MIS18A: variants seen among roughly 807,000 people sequenced by gnomAD.
MIS18A encodes protein Mis18-alpha.
MIS18A carries 14 observed loss-of-function variants against 25.0 expected under a neutral mutation model. That is an observed-to-expected ratio of 0.56 (90% CI 0.37 to 0.88). The LOEUF (loss-of-function observed/expected upper bound fraction) is 0.88. Ranked by LOEUF, MIS18A falls within the 40% of genes least tolerant of loss-of-function variation. The pLI is 0.00. For synonymous variants in MIS18A, 134 were observed against 118.6 expected, an observed-to-expected ratio of 1.13 and a Z score of -0.84; for missense variants, 292 against 290.8, an observed-to-expected ratio of 1.00 and a Z score of -0.03.
At chr21:32,247,424 C>T in the MIS18A span, among the ~76,000 whole-genome samples, 1 of 152,184 alleles carries the variant, frequency 6.6e-6, no homozygotes, top group Admixed American at 6.5e-5. Flanking sequence ...TGCCATGTTC[C>T]TGTTGCAAGG....
the MIS18A span, among the ~76,000 whole-genome samples, chr21:32,247,500 C>T: frequency 0.25 from 37,852 of 152,122 alleles, 5,179 homozygotes; most frequent in Non-Finnish European, 0.29. Flanking sequence ...AGTTGGAGGA[C>T]ATTGTTTTGG....
chr21:32,187,497 C>T, the MIS18A span, among the ~76,000 whole-genome samples: 1 of 152,124 alleles, frequency 6.6e-6, no homozygotes, highest in Non-Finnish European at 1.5e-5. Context: ...TTCACCTCTT[C>T]ATTACCACCT....
the MIS18A span, among the ~76,000 whole-genome samples, chr21:32,234,032 T>C: frequency 2.0e-5 from 3 of 152,260 alleles, no homozygotes; most frequent in Non-Finnish European, 2.9e-5. Flanking sequence ...AGAAAAATGA[T>C]ATTAAATAAA....
At chr21:32,176,517 A>G in the MIS18A span, among the ~76,000 whole-genome samples, 1 of 152,254 alleles carries the variant, frequency 6.6e-6, no homozygotes, top group Non-Finnish European at 1.5e-5. Flanking sequence ...TCCATTTTAA[A>G]TGAATGATAA....
At chr21:32,188,003 G>C in the MIS18A span, among the ~76,000 whole-genome samples, 103 of 150,108 alleles carry the variant, frequency 6.9e-4, no homozygotes, top group African/African-American at 2.4e-3. Flanking sequence ...CTCCCTTTCT[G>C]TCTCTCTCTC....
the MIS18A span, among the ~76,000 whole-genome samples, chr21:32,244,552 C>T: frequency 6.6e-6 from 1 of 152,038 alleles, no homozygotes; most frequent in African/African-American, 2.4e-5. Flanking sequence ...GCCTGGGCAA[C>T]ATAGTGAAAC....
chr21:32,181,444 A>G, the MIS18A span, among the ~76,000 whole-genome samples: 1 of 152,194 alleles, frequency 6.6e-6, no homozygotes, highest in Non-Finnish European at 1.5e-5. Context: ...GGGAACCCTC[A>G]CTAATACATG....
the MIS18A span, among the ~76,000 whole-genome samples, chr21:32,217,322 T>C: frequency 6.6e-6 from 1 of 151,952 alleles, no homozygotes; most frequent in Non-Finnish European, 1.5e-5. Context: ...ATAGAAATTC[T>C]AGAGTGGAAA....
chr21:32,217,775 C>G, the MIS18A span, among the ~76,000 whole-genome samples: 3 of 151,974 alleles, frequency 2.0e-5, no homozygotes, highest in Admixed American at 6.6e-5. Context: ...TCATCAGAAT[C>G]CATGGAATCG....
chr21:32,251,478 T>C, the MIS18A span, among the ~76,000 whole-genome samples: 9 of 152,044 alleles, frequency 5.9e-5, no homozygotes, highest in Admixed American at 5.2e-4. Flanking sequence ...AACCACTCCT[T>C]CTCTTAAGAA....
Position 32,274,419 on chromosome 21 carries a change from G to A in MIS18A, c.401+411C>T, listed in dbSNP as rs548375111. ...GGGGTTTTGCCATGTTGGCCAGGCT[G>A]GTCTCGAATTCCTGACCCCCCGGTG... is the stretch of plus-strand genomic sequence containing the variant. On this transcript the variant is annotated intron_variant, in intron 2 of 4. Transcript: ENST00000290130. Among the ~76,000 whole-genome samples, 24 of 151,918 alleles carry A rather than the reference G, an allele frequency of 1.6e-4. No individual in the cohort carries two copies. The South Asian group carries it at 2.3e-3, about 14-fold the overall frequency.
At chr21:32,213,580 C>A in the MIS18A span, among the ~76,000 whole-genome samples, 1 of 152,164 alleles carries the variant, frequency 6.6e-6, no homozygotes, top group Non-Finnish European at 1.5e-5. Flanking sequence ...AGTCTTTCTG[C>A]ACTCTGTACC....
chr21:32,187,634 T>G, the MIS18A span, among the ~76,000 whole-genome samples: 1 of 152,188 alleles, frequency 6.6e-6, no homozygotes, highest in Non-Finnish European at 1.5e-5. Flanking sequence ...AGGCCAAAGC[T>G]GACAGACAAG....
chr21:32,277,442 A>C (rs1232082255), intron 1 of MIS18A, among the ~76,000 whole-genome samples: 1 of 152,092 alleles, frequency 6.6e-6, no homozygotes, highest in Non-Finnish European at 1.5e-5. Flanking sequence ...ACCTAACCAA[A>C]AATCTGCTTT....
At chr21:32,250,233 G>T in the MIS18A span, among the ~76,000 whole-genome samples, 2 of 151,916 alleles carry the variant, frequency 1.3e-5, no homozygotes, top group African/African-American at 2.4e-5. Flanking sequence ...TATAAAAGAC[G>T]CACTTCTAAA....
the MIS18A span, among the ~76,000 whole-genome samples, chr21:32,259,313 C>T: frequency 2.0e-5 from 3 of 152,286 alleles, no homozygotes; most frequent in East Asian, 1.9e-4. Context: ...TTCTCTGCCT[C>T]GCCTTGGCCT....
the MIS18A span, among the ~76,000 whole-genome samples, chr21:32,204,545 A>G: frequency 3.6e-4 from 55 of 151,970 alleles, 1 homozygote; most frequent in African/African-American, 1.3e-3. Context: ...AACTCTGGGG[A>G]AAAAATCCAA....
chr21:32,172,190 T>C, the MIS18A span, among the ~76,000 whole-genome samples: 1 of 152,036 alleles, frequency 6.6e-6, no homozygotes, highest in African/African-American at 2.4e-5. Context: ...ACTCTGTTGA[T>C]AGGAATATAA....
At chr21:32,215,275 C>T in the MIS18A span, among the ~76,000 whole-genome samples, 2 of 152,196 alleles carry the variant, frequency 1.3e-5, no homozygotes, top group African/African-American at 2.4e-5. Flanking sequence ...CCCCTCCTTT[C>T]CCCCTGCACT....
Sources: gnomAD v4.1 joint callset for allele counts (sites outside exome capture counted in the v4.1 genomes callset) on GRCh38, gnomAD v4.1.1 for gene constraint, MANE v1.5 for transcripts, NCBI Gene and HGNC (gene_info 2026-07-23, HGNC 2026-07-21) for gene names.